The following LRRC4C variants were observed in gnomAD, a reference collection of about 807,000 sequenced individuals.
LRRC4C encodes the protein leucine rich repeat containing 4C, also known as leucine-rich repeat-containing protein 4C.
Under a neutral mutation model 33.6 loss-of-function variants are expected in LRRC4C, and 5 were observed. The observed-to-expected ratio is 0.15, with a 90% CI of 0.08 to 0.31. LRRC4C has a LOEUF of 0.31. LRRC4C is among the 10% of genes least tolerant of loss of function. The probability of loss-of-function intolerance (pLI) is 1.00; values close to 1 mark genes in which losing one functional copy is unlikely to be tolerated. For synonymous variants in LRRC4C, 329 were observed against 302.0 expected (o/e 1.09, Z -0.93); for missense variants, 560 against 796.7 (o/e 0.70, Z 3.58).
intron 3 of LRRC4C, among the ~76,000 whole-genome samples, chr11:40,545,281 T>C (rs1354629691): frequency 6.6e-6 from 1 of 151,990 alleles, no homozygotes; most frequent in Non-Finnish European, 1.5e-5. Flanking sequence ...ATTCACTCAA[T>C]AAATGTTTGT....
In LRRC4C at chr11:41,267,522, G is replaced by A. The variant is rs1006514307; in HGVS notation, c.-496+191909C>T. ...AAAGGTTAAGTGGCTAGCACGATGC[G>A]TGGTAACCAGTAAATGATAACAAAT... On this transcript the variant is annotated intron_variant, in intron 1 of 6. Coordinates refer to ENST00000528697, the MANE Select transcript of LRRC4C (RefSeq NM_001258419.2). Among the ~76,000 whole-genome samples, 5 of 152,224 alleles carry A rather than the reference G, an allele frequency of 3.3e-5. No homozygotes were observed. In the East Asian group the frequency reaches 5.8e-4, roughly 18 times the overall value.
intron 4 of LRRC4C, among the ~76,000 whole-genome samples, chr11:40,258,812 A>G (rs1867438619): frequency 6.6e-6 from 1 of 152,208 alleles, no homozygotes; most frequent in South Asian, 2.1e-4. Flanking sequence ...AAGCAGAAAT[A>G]CAGTTCACTT....
chr11:40,708,556 G>A (rs1246358206), intron 2 of LRRC4C, among the ~76,000 whole-genome samples: 1 of 152,184 alleles, frequency 6.6e-6, no homozygotes, highest in African/African-American at 2.4e-5. Flanking sequence ...GTTCTAATTT[G>A]ATTGCCCTGT....
At chr11:40,998,550 A>C (rs2137346957) in intron 1 of LRRC4C, among the ~76,000 whole-genome samples, 1 of 152,276 alleles carries the variant, frequency 6.6e-6, no homozygotes, top group South Asian at 2.1e-4. Context: ...GGAGACAGGA[A>C]AATGGATTAC....
intron 1 of LRRC4C, among the ~76,000 whole-genome samples, chr11:41,004,093 T>C (rs1460988022): frequency 1.3e-5 from 2 of 152,192 alleles, no homozygotes; most frequent in Non-Finnish European, 2.9e-5. Context: ...CACCCCATTG[T>C]TCACTTCTAT....
chr11:40,157,466 C>A lies in LRRC4C; in HGVS notation c.-95-16613G>T, dbSNP rs773065934. 2.0e-5 allele frequency among the ~76,000 whole-genome samples: 3 copies of A among 152,036 alleles called. No homozygotes were observed. In the East Asian group the frequency reaches 5.8e-4, roughly 29 times the overall value. ...GCAAAAGGAACAGTCAGCAAAGTAA[C>A]CAGACAACCCACAGAGTGGGAGAAA... On this transcript the variant is annotated intron_variant, in intron 5 of 6. Coordinates refer to ENST00000528697, the MANE Select transcript of LRRC4C (RefSeq NM_001258419.2).
intron 3 of LRRC4C, among the ~76,000 whole-genome samples, chr11:40,366,832 A>G (rs1490258703): frequency 6.6e-6 from 1 of 152,094 alleles, no homozygotes; most frequent in Non-Finnish European, 1.5e-5. Context: ...GACCTTATGC[A>G]AGTCTCCTTA....
At chr11:40,733,703 A>G (rs887409888) in intron 2 of LRRC4C, among the ~76,000 whole-genome samples, 1 of 152,192 alleles carries the variant, frequency 6.6e-6, no homozygotes, top group Non-Finnish European at 1.5e-5. Context: ...GGCCTTGCCC[A>G]CTAATGTAGT....
intron 5 of LRRC4C, among the ~76,000 whole-genome samples, chr11:40,240,739 C>T (rs1865875799): frequency 1.3e-5 from 2 of 151,970 alleles, no homozygotes; most frequent in South Asian, 2.1e-4. Flanking sequence ...TTTTAATTGG[C>T]CTTAGTCATT....
At chr11:40,616,813 TGAC>T (rs930683284) in intron 3 of LRRC4C, among the ~76,000 whole-genome samples, 8 of 151,338 alleles carry the variant, frequency 5.3e-5, no homozygotes, top group Non-Finnish European at 5.9e-5. Flanking sequence ...TAATGTTAAA[TGAC>T]GAGTTAATGG....
intron 4 of LRRC4C, among the ~76,000 whole-genome samples, chr11:40,294,382 C>T (rs1021708920): frequency 6.6e-6 from 1 of 151,998 alleles, no homozygotes; most frequent in Non-Finnish European, 1.5e-5. Context: ...TCCAGAAATC[C>T]AGGAGTTTTG....
chr11:41,320,087 T>A (rs1389106369), intron 1 of LRRC4C, among the ~76,000 whole-genome samples: 1 of 152,210 alleles, frequency 6.6e-6, no homozygotes, highest in Non-Finnish European at 1.5e-5. Context: ...TCTGTCTTTT[T>A]ATTTATCATA....
intron 3 of LRRC4C, among the ~76,000 whole-genome samples, chr11:40,577,955 C>A (rs2135609559): frequency 6.6e-6 from 1 of 150,518 alleles, no homozygotes; most frequent in Non-Finnish European, 1.5e-5. Flanking sequence ...CTGCCTCAGC[C>A]TCCCGAGTAG....
chr11:40,660,921 A>T (rs1004693316), intron 2 of LRRC4C, among the ~76,000 whole-genome samples: 1 of 152,238 alleles, frequency 6.6e-6, no homozygotes, highest in South Asian at 2.1e-4. Flanking sequence ...ATAGAGGATC[A>T]TGAGATTCAA....
At chr11:41,345,374 A>G (rs1951770345) in intron 1 of LRRC4C, among the ~76,000 whole-genome samples, 1 of 152,216 alleles carries the variant, frequency 6.6e-6, no homozygotes, top group Non-Finnish European at 1.5e-5. Flanking sequence ...TTAAAAAATA[A>G]AACAAAATGT....
At chr11:40,388,444 G>A (rs1949202115) in intron 3 of LRRC4C, among the ~76,000 whole-genome samples, 1 of 152,116 alleles carries the variant, frequency 6.6e-6, no homozygotes. Flanking sequence ...CGCTTGGAGG[G>A]ATGAAAAATT....
At chr11:41,045,851 G>C (rs572571972) in intron 1 of LRRC4C, among the ~76,000 whole-genome samples, 9 of 152,214 alleles carry the variant, frequency 5.9e-5, no homozygotes, top group Admixed American at 5.2e-4. Flanking sequence ...TAACCTTGTA[G>C]ATGGTAAATT....
chr11:40,264,782 G>T (rs779863938), intron 4 of LRRC4C, among the ~76,000 whole-genome samples: 4 of 152,160 alleles, frequency 2.6e-5, no homozygotes, highest in African/African-American at 4.8e-5. Flanking sequence ...TACTGGAGAA[G>T]AATGGGGGCC....
At chr11:41,118,499 G>A (rs1293141602) in intron 1 of LRRC4C, among the ~76,000 whole-genome samples, 1 of 152,108 alleles carries the variant, frequency 6.6e-6, no homozygotes, top group African/African-American at 2.4e-5. Context: ...TTTTACTTAG[G>A]TTTGGTCACT....
Sources: allele counts gnomAD v4.1 joint callset (sites outside exome capture counted in the v4.1 genomes callset), GRCh38; gene constraint gnomAD v4.1.1; transcripts MANE v1.5; gene names NCBI Gene and HGNC (gene_info 2026-07-23, HGNC 2026-07-21).